The following KLHL13 variants were observed in gnomAD, a reference collection of about 807,000 sequenced individuals.
KLHL13 encodes kelch-like protein 13.
A neutral mutation model predicts 37.1 loss-of-function variants in KLHL13; 10 were observed. The ratio of observed to expected loss-of-function variants is 0.27; its 90% CI spans 0.17 to 0.46. The LOEUF is 0.46. Among genes scored for constraint, KLHL13 ranks in the 20% least tolerant of loss-of-function variants. The pLI is 1.00. For synonymous variants in KLHL13, 163 were observed against 181.2 expected (o/e 0.90, Z 0.81); for missense variants, 360 against 509.3 (o/e 0.71, Z 2.82).
chrX:117,974,991 T>C (rs940378793), upstream of KLHL13, among the ~76,000 whole-genome samples: 2 of 111,752 alleles, frequency 1.8e-5, no homozygotes, highest in Non-Finnish European at 3.8e-5. Flanking sequence ...GGAATATTTA[T>C]CAATGCGCTA....
At chrX:118,092,511 T>C (rs1489775662) in intron 1 of KLHL13, among the ~76,000 whole-genome samples, 3 of 111,606 alleles carry the variant, frequency 2.7e-5, no homozygotes, top group African/African-American at 9.8e-5. Context: ...AAAGGAAAAC[T>C]AAGATTTTGT....
chrX:117,990,758 C>T (rs2053779358), intron 1 of KLHL13, among the ~76,000 whole-genome samples: 1 of 111,438 alleles, frequency 9.0e-6, no homozygotes, highest in Non-Finnish European at 1.9e-5. Flanking sequence ...CGAACAAGCC[C>T]TTTTAACGTT....
intron 1 of KLHL13, among the ~76,000 whole-genome samples, chrX:118,096,482 A>C (rs182401578): frequency 1.6e-4 from 18 of 111,754 alleles, no homozygotes; most frequent in African/African-American, 5.5e-4. Flanking sequence ...GGATTCACAG[A>C]CAAATTCTAC....
intron 1 of KLHL13, among the ~76,000 whole-genome samples, chrX:118,035,934 T>A (rs2054433425): frequency 2.0e-5 from 2 of 100,344 alleles, no homozygotes; most frequent in Non-Finnish European, 3.9e-5. Flanking sequence ...TCACAAGCAT[T>A]CTTATACACC....
At chrX:118,089,491 T>C (rs1291656563) in intron 1 of KLHL13, among the ~76,000 whole-genome samples, 2 of 105,544 alleles carry the variant, frequency 1.9e-5, no homozygotes, top group African/African-American at 7.0e-5. Context: ...GGCAGTGCCC[T>C]CCCTCCCCTG....
At chrX:118,113,367 A>G (rs770736453) in intron 1 of KLHL13, among the ~76,000 whole-genome samples, 2 of 111,630 alleles carry the variant, frequency 1.8e-5, no homozygotes, top group African/African-American at 6.5e-5. Context: ...CCCAGGAAAG[A>G]CTCTTCAGTG....
At chrX:117,943,407 A>G (rs1442459469) in intron 2 of KLHL13, among the ~76,000 whole-genome samples, 2 of 110,879 alleles carry the variant, frequency 1.8e-5, no homozygotes, top group African/African-American at 6.6e-5. Flanking sequence ...CCTGGAGAAT[A>G]CCCTGAAGAG....
At chrX:118,056,081 T>C (rs1418528550) in intron 1 of KLHL13, among the ~76,000 whole-genome samples, 2 of 111,689 alleles carry the variant, frequency 1.8e-5, no homozygotes, top group African/African-American at 6.5e-5. Context: ...TCCTACAGAA[T>C]TGATGGAAGA....
At chrX:117,965,116 G>C (rs1280583210) in intron 1 of KLHL13, among the ~76,000 whole-genome samples, 25 of 111,790 alleles carry the variant, frequency 2.2e-4, no homozygotes, top group Middle Eastern at 4.6e-3. Context: ...AATGGGATGG[G>C]TGGGTCAAAT....
At chrX:117,932,626 G>C (rs1370368708) in intron 2 of KLHL13, among the ~76,000 whole-genome samples, 1 of 111,424 alleles carries the variant, frequency 9.0e-6, no homozygotes, top group Non-Finnish European at 1.9e-5. Context: ...TTGTAGACAA[G>C]CATTTAGTTT....
In KLHL13 at chrX:117,920,413, G is replaced by A. The variant is rs757021647; in HGVS notation, c.241-43C>T. ...GTTGAGTCACTAATCAAGGTAAAAT[G>A]AGGTTACAAATCTTCGTGTGCTAAA... On this transcript the variant is annotated intron_variant, in intron 2 of 6. Transcript: ENST00000262820. The A allele has an allele frequency of 3.4e-6, 4 of 1,174,817 alleles. No individual in the cohort carries two copies. The South Asian group carries it at 7.6e-5, about 22-fold the overall frequency.
chrX:118,109,725 T>C (rs1303473729), intron 1 of KLHL13, among the ~76,000 whole-genome samples: 1 of 112,484 alleles, frequency 8.9e-6, no homozygotes, highest in African/African-American at 3.2e-5. Flanking sequence ...TCTATTTGTT[T>C]AGACTAGCAC....
At chrX:118,019,158 C>A (rs1399692341) in intron 1 of KLHL13, among the ~76,000 whole-genome samples, 1 of 111,114 alleles carries the variant, frequency 9.0e-6, no homozygotes, top group Non-Finnish European at 1.9e-5. Context: ...TAGACTTATT[C>A]ACCTCACCTA....
chrX:118,045,566 G>A (rs775116159), intron 1 of KLHL13, among the ~76,000 whole-genome samples: 1 of 110,734 alleles, frequency 9.0e-6, no homozygotes, highest in Admixed American at 9.6e-5. Context: ...CACTTTGGGA[G>A]GCTGAGGCTA....
At chrX:118,014,159 A>G (rs955088573) in intron 1 of KLHL13, among the ~76,000 whole-genome samples, 6 of 112,149 alleles carry the variant, frequency 5.4e-5, no homozygotes, top group Admixed American at 9.5e-5. Context: ...GGCAGAACAG[A>G]GCCATATTTT....
intron 1 of KLHL13, among the ~76,000 whole-genome samples, chrX:117,979,418 C>T (rs2053634392): frequency 9.0e-6 from 1 of 111,654 alleles, no homozygotes; most frequent in South Asian, 3.8e-4. Flanking sequence ...TATTTTACTT[C>T]ATCTGCCCAA....
exon 1 of KLHL13, chrX:117,973,376 A>G (rs1384790947): frequency 1.0e-6 from 1 of 972,661 alleles, no homozygotes; most frequent in East Asian, 7.5e-5. Flanking sequence ...CAAATGGGAT[A>G]TAAACCTCAG....
intron 2 of KLHL13, among the ~76,000 whole-genome samples, chrX:117,927,069 C>A (rs1173478931): frequency 9.2e-6 from 1 of 108,339 alleles, no homozygotes; most frequent in Non-Finnish European, 1.9e-5. Flanking sequence ...CCACGCCCGG[C>A]TAATTTGTAG....
chrX:118,057,709 C>T (rs767596640), intron 1 of KLHL13, among the ~76,000 whole-genome samples: 55 of 110,006 alleles, frequency 5.0e-4, no homozygotes, highest in African/African-American at 1.8e-3. Context: ...ACCTGTAGTC[C>T]CAGCCACTCG....
Sources: gnomAD v4.1 joint callset for allele counts (sites outside exome capture counted in the v4.1 genomes callset) on GRCh38, gnomAD v4.1.1 for gene constraint, MANE v1.5 for transcripts, NCBI Gene and HGNC (gene_info 2026-07-23, HGNC 2026-07-21) for gene names.